Variants in MYO16 observed in about 807,000 individuals in gnomAD.
MYO16 encodes unconventional myosin-XVI.
In MYO16, 94 loss-of-function variants were observed where a neutral mutation model predicts 205.3. The observed-to-expected ratio is 0.46, with a 90% CI of 0.39 to 0.54. The LOEUF (loss-of-function observed/expected upper bound fraction) is 0.54, where lower values mean the gene tolerates loss of function less well. Ranked by LOEUF, MYO16 falls within the 20% of genes least tolerant of loss-of-function variation. The pLI is 0.00. For synonymous variants in MYO16, 988 were observed against 954.0 expected (o/e 1.04, Z -0.66); for missense variants, 2,315 against 2,387.5 (o/e 0.97, Z 0.63).
At chr13:108,674,672 T>C (rs1261254991) in intron 2 of MYO16, among the ~76,000 whole-genome samples, 1 of 152,200 alleles carries the variant, frequency 6.6e-6, no homozygotes, top group Non-Finnish European at 1.5e-5. Flanking sequence ...CCTGGATCCA[T>C]ATACGCATTT....
intron 2 of MYO16, among the ~76,000 whole-genome samples, chr13:108,702,040 G>A (rs1883329428): frequency 6.6e-6 from 1 of 152,002 alleles, no homozygotes; most frequent in Non-Finnish European, 1.5e-5. Context: ...GAAGAAAAAT[G>A]AGCACAGCCT....
intron 16 of MYO16, among the ~76,000 whole-genome samples, chr13:108,955,181 C>T (rs1485618478): frequency 6.6e-6 from 1 of 152,180 alleles, no homozygotes; most frequent in Non-Finnish European, 1.5e-5. Context: ...TTACCTGTGT[C>T]GTCCTAGAAA....
chr13:108,708,041 A>G (rs1410353843), intron 2 of MYO16, among the ~76,000 whole-genome samples: 1 of 152,140 alleles, frequency 6.6e-6, no homozygotes, highest in Non-Finnish European at 1.5e-5. Context: ...TGTGTGTATT[A>G]TTACAATTTC....
intron 2 of MYO16, among the ~76,000 whole-genome samples, chr13:108,670,932 C>A (rs1881958946): frequency 6.6e-6 from 1 of 152,144 alleles, no homozygotes; most frequent in South Asian, 2.1e-4. Flanking sequence ...GCTTTCTTAA[C>A]ATGTATTTTT....
chr13:108,840,641 G>T (rs936890453), intron 9 of MYO16, among the ~76,000 whole-genome samples: 1 of 152,074 alleles, frequency 6.6e-6, no homozygotes, highest in Non-Finnish European at 1.5e-5. Flanking sequence ...AGGCCCAAGT[G>T]ATCCTCCCAC....
rs1447350254 is a variant in MYO16 at position 108,898,021 on chromosome 13, G to A, written c.1665G>A (p.Val555=). 1 of 1,610,096 alleles carries A rather than the reference G, an allele frequency of 6.2e-7. No individual in the cohort carries two copies. Among genetic ancestry groups the A allele is most frequent in the African/African-American group, 1.3e-5 (1 of 74,794 alleles). ...AATGTTCTCCTCTCCCACAGGTCGT[G>A]TGCATCTTAGAAGCCTTTGGACATG... The part of the protein sequence containing the change: ...ATLDSRFKHV[V]CILEAFGHAK... Residue 555 remains valine, a synonymous_variant, in exon 15 of 35, where the codon GTG becomes GTA. Coordinates refer to ENST00000457511, the MANE Select transcript of MYO16 (RefSeq NM_001198950.3).
intron 2 of MYO16, among the ~76,000 whole-genome samples, chr13:108,683,804 CT>C (rs925344300): frequency 6.6e-6 from 1 of 152,162 alleles, no homozygotes; most frequent in Non-Finnish European, 1.5e-5. Flanking sequence ...CCCTGAACTT[CT>C]TTTTTGAGTG....
chr13:108,635,726 C>A (rs540520130), intron 1 of MYO16, among the ~76,000 whole-genome samples: 1 of 152,258 alleles, frequency 6.6e-6, no homozygotes, highest in East Asian at 1.9e-4. Context: ...TCTCGAACTT[C>A]TGACCTCAGG....
intron 16 of MYO16, among the ~76,000 whole-genome samples, chr13:108,919,002 A>G (rs1475598623): frequency 1.3e-5 from 2 of 152,102 alleles, no homozygotes; most frequent in Non-Finnish European, 2.9e-5. Context: ...CTGTTTTGAC[A>G]TAAAAACCTG....
At chr13:109,074,819 C>G (rs1008429986) in intron 27 of MYO16, among the ~76,000 whole-genome samples, 7 of 152,198 alleles carry the variant, frequency 4.6e-5, no homozygotes, top group Non-Finnish European at 8.8e-5. Context: ...GGGGGAACCA[C>G]CCCATGATCC....
chr13:108,851,445 A>C (rs1395080047), intron 10 of MYO16, among the ~76,000 whole-genome samples: 3 of 152,148 alleles, frequency 2.0e-5, no homozygotes, highest in Admixed American at 2.0e-4. Context: ...CTACATAATG[A>C]CTTTTGCCAC....
chr13:108,790,057 G>C (rs571159449), intron 5 of MYO16, among the ~76,000 whole-genome samples: 5 of 152,262 alleles, frequency 3.3e-5, no homozygotes, highest in Non-Finnish European at 7.4e-5. Context: ...CCAGGCATAG[G>C]GAGTAGCATA....
intron 28 of MYO16, among the ~76,000 whole-genome samples, chr13:109,114,778 T>G (rs74119828): frequency 1.5e-3 from 224 of 152,348 alleles, no homozygotes; most frequent in African/African-American, 5.3e-3. Flanking sequence ...TGACCTGAGC[T>G]TTCTCCTTTA....
intron 20 of MYO16, among the ~76,000 whole-genome samples, chr13:108,991,786 G>A (rs1305107056): frequency 6.6e-6 from 1 of 152,192 alleles, no homozygotes; most frequent in African/African-American, 2.4e-5. Flanking sequence ...TGTAGGCTCA[G>A]TTCCTTAAGG....
chr13:108,690,901 G>T (rs1299659916), intron 2 of MYO16, among the ~76,000 whole-genome samples: 2 of 152,146 alleles, frequency 1.3e-5, no homozygotes, highest in African/African-American at 2.4e-5. Context: ...AAGAGTTTCA[G>T]TTCAAGTATA....
chr13:109,164,865 T>C (rs778878522), intron 32 of MYO16, 36 bp from the exon 33 acceptor site: 2 of 1,337,592 alleles, frequency 1.5e-6, no homozygotes, highest in African/African-American at 1.5e-5. Flanking sequence ...GTACATGTTA[T>C]CAGAAAATAA....
At chr13:108,940,403 T>G (rs993418736) in intron 16 of MYO16, among the ~76,000 whole-genome samples, 1 of 152,168 alleles carries the variant, frequency 6.6e-6, no homozygotes, top group Non-Finnish European at 1.5e-5. Flanking sequence ...TCCCCTGTTC[T>G]AATAACAATT....
intron 9 of MYO16, among the ~76,000 whole-genome samples, chr13:108,841,046 C>G (rs918317391): frequency 6.6e-6 from 1 of 152,044 alleles, no homozygotes; most frequent in Non-Finnish European, 1.5e-5. Context: ...CAAACAAATT[C>G]AAAATGTATA....
the MYO16 span, among the ~76,000 whole-genome samples, chr13:108,524,072 G>A: frequency 6.6e-6 from 1 of 152,100 alleles, no homozygotes; most frequent in Non-Finnish European, 1.5e-5. Flanking sequence ...GGCCGAGGTG[G>A]GTGGATTGTC....
Sources: gnomAD v4.1 joint callset for allele counts (sites outside exome capture counted in the v4.1 genomes callset) on GRCh38, gnomAD v4.1.1 for gene constraint, MANE v1.5 for transcripts, NCBI Gene and HGNC (gene_info 2026-07-23, HGNC 2026-07-21) for gene names.